USP26: variants seen among roughly 807,000 people sequenced by gnomAD.
The protein encoded by USP26 is ubiquitin carboxyl-terminal hydrolase 26.
For missense variants in USP26, 649 were observed against 642.3 expected, an observed-to-expected ratio of 1.01 and a Z score of -0.11; for synonymous variants, 236 against 240.6, an observed-to-expected ratio of 0.98 and a Z score of 0.18.
chrX:133,083,465 C>G (rs2067577047), intron 5 of USP26, among the ~76,000 whole-genome samples: 1 of 102,595 alleles, frequency 9.7e-6, no homozygotes, highest in South Asian at 4.3e-4. Flanking sequence ...GGAAACAGGA[C>G]TTGTTGGGTT....
intron 5 of USP26, among the ~76,000 whole-genome samples, chrX:133,054,183 C>G (rs111278487): frequency 1.4e-4 from 16 of 111,869 alleles, no homozygotes; most frequent in African/African-American, 4.9e-4. Context: ...GGTTAACAGC[C>G]TTTCAGAGAT....
At chrX:133,076,103 A>G (rs1403161313) in intron 5 of USP26, among the ~76,000 whole-genome samples, 1 of 111,669 alleles carries the variant, frequency 9.0e-6, no homozygotes, top group African/African-American at 3.3e-5. Context: ...TTTCCATATG[A>G]TTAAGAACCA....
At chrX:133,087,678 G>A (rs1602991816) in intron 4 of USP26, among the ~76,000 whole-genome samples, 1 of 112,224 alleles carries the variant, frequency 8.9e-6, no homozygotes, top group East Asian at 2.8e-4. Flanking sequence ...TGAAATTTGA[G>A]CAAATTAATC....
At chrX:133,073,632 G>T (rs1036357150) in intron 5 of USP26, among the ~76,000 whole-genome samples, 1 of 110,832 alleles carries the variant, frequency 9.0e-6, no homozygotes, top group South Asian at 3.9e-4. Context: ...AACTATGCAT[G>T]CTCACACCAC....
At position 133,031,336 on chromosome X, in the gene USP26, C is replaced by T. The variant is rs1285098737; in HGVS notation, c.-76-3040G>A. On this transcript the variant is annotated intron_variant, in intron 5 of 5. Coordinates refer to ENST00000511190, the MANE Select transcript of USP26 (RefSeq NM_031907.3). ...TGAAAAGCAAAACAACTTCAACTCA[C>T]ATTTATTTTAAACTACACTTAGCTT... is the stretch of plus-strand genomic sequence containing the variant. Among the ~76,000 whole-genome samples the T allele has an allele frequency of 2.7e-5, 3 of 111,930 alleles. No homozygotes were observed. In the East Asian group the frequency reaches 8.4e-4, roughly 31 times the overall value.
chrX:133,034,075 C>T (rs1205952339), intron 5 of USP26, among the ~76,000 whole-genome samples: 6 of 111,626 alleles, frequency 5.4e-5, no homozygotes, highest in African/African-American at 1.3e-4. Context: ...ATGATTCCCA[C>T]GTTTGAGTTT....
chrX:133,087,985 C>G (rs2067595164), intron 4 of USP26, among the ~76,000 whole-genome samples: 1 of 111,369 alleles, frequency 9.0e-6, no homozygotes, highest in African/African-American at 3.3e-5. Context: ...GCCTGGGCAA[C>G]ATAGGGACAT....
In USP26 at chrX:133,025,598, G is replaced by A. The variant is rs1428605797; in HGVS notation, c.2623C>T (p.Arg875Cys). 8.3e-7 allele frequency: 1 copy of A among 1,208,946 alleles called. No homozygotes were observed. The highest frequency in any genetic ancestry group is 1.1e-6 in the Non-Finnish European group (1 of 894,968). Residue 875 changes from arginine to cysteine, a missense_variant, in exon 6 of 6, where the codon CGT becomes TGT. Arg to Cys is a radical substitution (Grantham distance 180, BLOSUM62 -3). Transcript: ENST00000511190. ...IQEAQMQEDR[R>C]CTGYIFFYMH... ...TAAAAGAAGATGTACCCAGTGCAAC[G>A]CCTATCCTCCTGCATCTGGGCCTCC...
chrX:133,088,023 C>T (rs1170060060), intron 4 of USP26, among the ~76,000 whole-genome samples: 1 of 111,513 alleles, frequency 9.0e-6, no homozygotes, highest in Non-Finnish European at 1.9e-5. Context: ...AGTAAAAAAT[C>T]AGTTGGGCAT....
intron 5 of USP26, among the ~76,000 whole-genome samples, chrX:133,082,542 C>G (rs867034122): frequency 8.9e-6 from 1 of 112,344 alleles, no homozygotes; most frequent in Non-Finnish European, 1.9e-5. Context: ...GGTTAAGGAA[C>G]TATTATTTTT....
chrX:133,053,374 T>C (rs751241711), intron 5 of USP26, among the ~76,000 whole-genome samples: 1 of 109,873 alleles, frequency 9.1e-6, no homozygotes, highest in Admixed American at 9.7e-5. Context: ...CCTGTCTCTA[T>C]TGAAAATACA....
chrX:133,035,639 T>C (rs1022439012), intron 5 of USP26, among the ~76,000 whole-genome samples: 7 of 112,206 alleles, frequency 6.2e-5, no homozygotes, highest in African/African-American at 1.9e-4. Context: ...TTTTCCTGTC[T>C]CATCTGGATG....
chrX:133,063,243 C>T (rs1269287037), intron 5 of USP26, among the ~76,000 whole-genome samples: 1 of 111,149 alleles, frequency 9.0e-6, no homozygotes, highest in Non-Finnish European at 1.9e-5. Context: ...AAGACCAAAC[C>T]TACGATTGAT....
intron 5 of USP26, among the ~76,000 whole-genome samples, chrX:133,029,688 T>C (rs2067369148): frequency 8.9e-6 from 1 of 112,140 alleles, no homozygotes; most frequent in Admixed American, 9.5e-5. Context: ...TTTTAAAATT[T>C]TGCACCCAGC....
rs1209616526 is a variant in USP26 at position 133,027,416 on chromosome X, G to T, written c.805C>A (p.Gln269Lys). 1 of 1,211,194 alleles carries T rather than the reference G, an allele frequency of 8.3e-7. No homozygotes were observed. Among genetic ancestry groups the T allele is most frequent in the Admixed American group, 2.2e-5 (1 of 45,996 alleles). ...GTGTAACCGTCACTATACCCTTGTTGTAACAGAAATACCAAAACCATTTTC... is the reference window on the plus strand; with the variant it reads ...GTGTAACCGTCACTATACCCTTGTTTTAACAGAAATACCAAAACCATTTTC... Reference protein sequence around the residue: ...TEKMVLVFLLQQGYSDGYTKW... With the variant: ...TEKMVLVFLLKQGYSDGYTKW... The change falls in exon 6 of 6, where the codon CAA becomes AAA. Residue 269 changes from glutamine (Q) to lysine (K), a missense_variant. Gln to Lys is a moderately conservative substitution (Grantham distance 53). Coordinates refer to ENST00000511190, the MANE Select transcript of USP26 (RefSeq NM_031907.3).
chrX:133,069,449 AGGT>A (rs997903868), intron 5 of USP26, among the ~76,000 whole-genome samples: 1 of 111,157 alleles, frequency 9.0e-6, no homozygotes, highest in African/African-American at 3.3e-5. Flanking sequence ...CAGGGAATGG[AGGT>A]GGTGGGGAGT....
chrX:133,065,184 G>T (rs2067507240), intron 5 of USP26, among the ~76,000 whole-genome samples: 1 of 111,422 alleles, frequency 9.0e-6, no homozygotes, highest in African/African-American at 3.3e-5. Context: ...CCAGGAAGAA[G>T]TCAAATCCCT....
intron 5 of USP26, among the ~76,000 whole-genome samples, chrX:133,062,141 G>T (rs886571710): frequency 1.3e-4 from 14 of 111,489 alleles, no homozygotes; most frequent in Admixed American, 3.8e-4. Flanking sequence ...TAAGGACTGG[G>T]TGGAACTCAA....
chrX:133,050,073 C>T (rs2067453707), intron 5 of USP26, among the ~76,000 whole-genome samples: 1 of 112,434 alleles, frequency 8.9e-6, no homozygotes, highest in South Asian at 3.7e-4. Context: ...TTCTAATATT[C>T]CTTTTATTCT....
Sources: gnomAD v4.1 joint callset for allele counts (sites outside exome capture counted in the v4.1 genomes callset) on GRCh38, gnomAD v4.1.1 for gene constraint, MANE v1.5 for transcripts, NCBI Gene and HGNC (gene_info 2026-07-23, HGNC 2026-07-21) for gene names.